The following RABGEF1 variants were observed in gnomAD, a reference collection of about 807,000 sequenced individuals.
RABGEF1 encodes the protein RAB guanine nucleotide exchange factor 1.
Under a neutral mutation model 57.3 loss-of-function variants are expected in RABGEF1, and 26 were observed. The observed-to-expected ratio is 0.45, with a 90% CI of 0.33 to 0.63. RABGEF1 has a LOEUF of 0.63. RABGEF1 is among the 20% of genes least tolerant of loss of function. The pLI is 0.02. For missense variants in RABGEF1, 464 were observed against 607.6 expected (o/e 0.76, Z 2.48); for synonymous variants, 185 against 210.7 (o/e 0.88, Z 1.06).
intron 1 of RABGEF1, among the ~76,000 whole-genome samples, chr7:66,690,708 AAAAT>A (rs1283367342): frequency 1.3e-5 from 2 of 151,750 alleles, no homozygotes; most frequent in Non-Finnish European, 2.9e-5. Context: ...ATCATCTTAT[AAAAT>A]AAATAAATAA....
intron 2 of RABGEF1, among the ~76,000 whole-genome samples, chr7:66,720,097 G>C (rs933230576): frequency 2.0e-5 from 3 of 151,510 alleles, no homozygotes; most frequent in Non-Finnish European, 4.4e-5. Context: ...ATTAACAGAA[G>C]AAAGGTTTAA....
chr7:66,737,893 G>A (rs1798192053), upstream of RABGEF1, among the ~76,000 whole-genome samples: 1 of 152,120 alleles, frequency 6.6e-6, no homozygotes, highest in African/African-American at 2.4e-5. Flanking sequence ...TCGGTGCCTA[G>A]AACATTCTTG....
chr7:66,811,445 A>T lies in RABGEF1; in HGVS notation c.*2161A>T, dbSNP rs1210684901. The T allele has an allele frequency of 6.6e-6, 1 of 152,590 alleles. No homozygotes were observed. The highest frequency in any genetic ancestry group is 2.4e-5 in the African/African-American group (1 of 41,464). The allele number at this position is 152,590 out of a possible 1,614,324, so 9.5% of individuals were successfully genotyped here. ...AATTCTTTATCAATAAAGTTTCACA[A>T]TCCGTCCCTCTTCCAAAAATTGATT... On this transcript the variant is annotated 3_prime_UTR_variant, in exon 9 of 9. Transcript: ENST00000284957.
chr7:66,664,896 C>T, the RABGEF1 span, among the ~76,000 whole-genome samples: 1 of 152,236 alleles, frequency 6.6e-6, no homozygotes, highest in African/African-American at 2.4e-5. Flanking sequence ...GTCAACTCTG[C>T]GATCCAGACC....
chr7:66,790,607 A>G (rs1038901013), intron 4 of RABGEF1, among the ~76,000 whole-genome samples: 1 of 152,234 alleles, frequency 6.6e-6, no homozygotes, highest in African/African-American at 2.4e-5. Flanking sequence ...GCTGCCTCTT[A>G]CAAGATTTTC....
chr7:66,733,737 G>A (rs1797611600), intron 2 of RABGEF1, among the ~76,000 whole-genome samples: 1 of 151,738 alleles, frequency 6.6e-6, no homozygotes, highest in Non-Finnish European at 1.5e-5. Flanking sequence ...CCTAGGCCAG[G>A]TGCGCCTATA....
At chr7:66,777,361 C>A (rs1808799728) in intron 3 of RABGEF1, among the ~76,000 whole-genome samples, 1 of 152,068 alleles carries the variant, frequency 6.6e-6, no homozygotes. Context: ...CATGAGAACT[C>A]ATGTCTCCTA....
chr7:66,675,495 A>G, the RABGEF1 span, among the ~76,000 whole-genome samples: 1 of 152,132 alleles, frequency 6.6e-6, no homozygotes, highest in South Asian at 2.1e-4. Context: ...TCAGTGGTGA[A>G]AGACTGGAAG....
At chr7:66,721,612 C>G (rs536697908) in intron 2 of RABGEF1, among the ~76,000 whole-genome samples, 1 of 152,186 alleles carries the variant, frequency 6.6e-6, no homozygotes, top group Non-Finnish European at 1.5e-5. Context: ...TGCCTCCCCC[C>G]TTATGAGAAA....
chr7:66,655,242 C>T, the RABGEF1 span, among the ~76,000 whole-genome samples: 1 of 152,168 alleles, frequency 6.6e-6, no homozygotes, highest in Admixed American at 6.5e-5. Context: ...GAGCAGAAGT[C>T]CCTACTTCCG....
At chr7:66,735,615 G>C (rs1235769320) in intron 2 of RABGEF1, among the ~76,000 whole-genome samples, 1 of 152,178 alleles carries the variant, frequency 6.6e-6, no homozygotes, top group Non-Finnish European at 1.5e-5. Flanking sequence ...TTTCCCCTTT[G>C]GTGCTGTTCT....
At chr7:66,768,681 C>T (rs1806343729) in intron 1 of RABGEF1, 1 of 152,168 alleles carries the variant, frequency 6.6e-6, no homozygotes, top group Non-Finnish European at 1.5e-5. Flanking sequence ...CCATTAGTTC[C>T]AATTTGGAAG....
chr7:66,658,235 AAAATATGGGT>A, the RABGEF1 span, among the ~76,000 whole-genome samples: 1 of 152,324 alleles, frequency 6.6e-6, no homozygotes, highest in Non-Finnish European at 1.5e-5. Context: ...AAAGAAATAA[AAAATATGGGT>A]AAACCAACCA....
intron 1 of RABGEF1, among the ~76,000 whole-genome samples, chr7:66,703,567 A>G (rs1793602894): frequency 1.3e-5 from 2 of 152,172 alleles, no homozygotes; most frequent in South Asian, 4.1e-4. Flanking sequence ...TCTTTCCCCC[A>G]TTGAATGATC....
At chr7:66,684,466 C>CAAAAA (rs1554304451) in intron 1 of RABGEF1, among the ~76,000 whole-genome samples, 102 of 152,142 alleles carry the variant, frequency 6.7e-4, no homozygotes, top group African/African-American at 1.8e-3. Flanking sequence ...CAAAACAAAA[C>CAAAAA]AAAAACAAGA....
upstream of RABGEF1, among the ~76,000 whole-genome samples, chr7:66,739,016 T>C (rs1303154751): frequency 6.6e-6 from 1 of 152,106 alleles, no homozygotes; most frequent in African/African-American, 2.4e-5. Flanking sequence ...AATGGCGCAA[T>C]CTCAGCTCAC....
At chr7:66,702,449 C>G (rs1320832459) in intron 1 of RABGEF1, among the ~76,000 whole-genome samples, 2 of 151,130 alleles carry the variant, frequency 1.3e-5, no homozygotes, top group African/African-American at 4.9e-5. Flanking sequence ...GAACCTTCAT[C>G]TACAAGTTTT....
In RABGEF1 at chr7:66,808,907, G is replaced by T; in HGVS notation, c.1099G>T (p.Glu367Ter). ...GTAGTGCTGTGCTGTGGCTTTCATTGAGAAGCTAGACGCCCAGTCTTTGAA... is the reference window on the plus strand; with the variant it reads ...GTAGTGCTGTGCTGTGGCTTTCATTTAGAAGCTAGACGCCCAGTCTTTGAA... ...TNLCCAVAFI[E>*]KLDAQSLNLS... The change falls in exon 9 of 9, where the codon GAG becomes TAG. Residue 367 changes from glutamate to a stop codon, truncating the protein, a stop_gained. Transcript: ENST00000284957. LOFTEE classifies it high-confidence loss of function. 1 of 1,604,824 alleles carries T rather than the reference G, an allele frequency of 6.2e-7. No homozygotes were observed. Among genetic ancestry groups the T allele is most frequent in the South Asian group, 1.1e-5 (1 of 90,644 alleles).
rs1224800315 is a variant in RABGEF1, at chr7:66,753,701, G to GTTTTTTTTTTTTTTTTT, written c.-18+12916_-18+12932dup. Among the ~76,000 whole-genome samples, 5 of 78,764 alleles carry GTTTTTTTTTTTTTTTTT rather than the reference G, an allele frequency of 6.3e-5. 1 individual carries two copies. Among genetic ancestry groups the GTTTTTTTTTTTTTTTTT allele is most frequent in the Admixed American group, 3.9e-4 (2 of 5,184 alleles). The allele number at this position is 78,764 out of a possible 152,430, so 51.7% of individuals were successfully genotyped here. A position where few individuals can be genotyped will look rare whatever the true frequency, so the allele number is the denominator to read the frequency against. The stretch of plus-strand genomic sequence containing the variant: ...ATCTGAAAATGTCTATTTTGCCATC[G>GTTTTTTTTTTTTTTTTT]TTTTTTTTTTTTTTTTTTTTTTTGA... On this transcript the variant is annotated intron_variant, in intron 1 of 8. Coordinates refer to ENST00000284957, the MANE Select transcript of RABGEF1 (RefSeq NM_014504.3).
Sources: allele counts gnomAD v4.1 joint callset (sites outside exome capture counted in the v4.1 genomes callset), GRCh38; gene constraint gnomAD v4.1.1; transcripts MANE v1.5; gene names NCBI Gene and HGNC (gene_info 2026-07-23, HGNC 2026-07-21).